Variants in IGSF10 observed in about 807,000 individuals in gnomAD.
The protein encoded by IGSF10 is immunoglobulin superfamily member 10.
Under a neutral mutation model 128.2 loss-of-function variants are expected in IGSF10, and 126 were observed. The ratio of observed to expected loss-of-function variants is 0.98; its 90% CI spans 0.85 to 1.14. IGSF10 has a LOEUF of 1.14. Among genes scored for constraint, IGSF10 ranks in the 50% most tolerant of loss-of-function variants. The pLI, the probability that IGSF10 is intolerant of heterozygous loss-of-function variation, is 0.00. For synonymous variants in IGSF10, 1,185 were observed against 1,146.2 expected (o/e 1.03, Z -0.68); for missense variants, 3,295 against 3,149.8 (o/e 1.05, Z -1.10).
chr3:151,514,976 T>C, the IGSF10 span, among the ~76,000 whole-genome samples: 1 of 152,176 alleles, frequency 6.6e-6, no homozygotes, highest in Admixed American at 6.5e-5. Flanking sequence ...CAACAGGTGC[T>C]GGAGAGGATG....
chr3:151,564,243 A>G, the IGSF10 span, among the ~76,000 whole-genome samples: 5 of 152,140 alleles, frequency 3.3e-5, no homozygotes, highest in Admixed American at 1.3e-4. Context: ...ATGCATATTT[A>G]ATTTGACCAA....
At chr3:151,592,269 G>A in the IGSF10 span, among the ~76,000 whole-genome samples, 2 of 149,600 alleles carry the variant, frequency 1.3e-5, no homozygotes, top group Non-Finnish European at 3.0e-5. Flanking sequence ...ACATACAAAC[G>A]CACACACACA....
the IGSF10 span, among the ~76,000 whole-genome samples, chr3:151,604,400 T>C: frequency 1.3e-5 from 2 of 152,066 alleles, no homozygotes; most frequent in African/African-American, 4.8e-5. Context: ...TATATTTACA[T>C]ATGTAAATCA....
chr3:151,593,651 G>C, the IGSF10 span, among the ~76,000 whole-genome samples: 2 of 151,922 alleles, frequency 1.3e-5, no homozygotes, highest in African/African-American at 2.4e-5. Context: ...AAGTATTAGG[G>C]ACCATTTAGG....
chr3:151,494,586 A>G, the IGSF10 span, among the ~76,000 whole-genome samples: 1 of 152,098 alleles, frequency 6.6e-6, no homozygotes, highest in Non-Finnish European at 1.5e-5. Context: ...TCAGGGTTGC[A>G]ATTCTATTTT....
the IGSF10 span, among the ~76,000 whole-genome samples, chr3:151,495,512 GACA>G: frequency 6.6e-6 from 1 of 151,940 alleles, no homozygotes; most frequent in Non-Finnish European, 1.5e-5. Context: ...CATTATCCGT[GACA>G]ACATTAGAGA....
the IGSF10 span, among the ~76,000 whole-genome samples, chr3:151,582,412 A>G: frequency 6.7e-6 from 1 of 149,916 alleles, no homozygotes; most frequent in African/African-American, 2.5e-5. Flanking sequence ...TCCAGTGATT[A>G]TTTTCACCAA....
At chr3:151,487,213 A>G in the IGSF10 span, among the ~76,000 whole-genome samples, 5 of 152,340 alleles carry the variant, frequency 3.3e-5, no homozygotes, top group South Asian at 1.0e-3. Flanking sequence ...CTCTATGCAA[A>G]TAAACTAGAA....
the IGSF10 span, among the ~76,000 whole-genome samples, chr3:151,574,107 C>T: frequency 6.1e-3 from 924 of 152,296 alleles, 4 homozygotes; most frequent in Admixed American, 0.01. Context: ...GATGGGCTTC[C>T]TTTTGTGGGT....
rs765684654 is a variant in IGSF10, at chr3:151,448,496, C to T, written c.1485G>A (p.Leu495=). Residue 495 remains leucine, a synonymous_variant, in exon 6 of 8, where the codon CTG becomes CTA. Coordinates refer to ENST00000282466, the MANE Select transcript of IGSF10 (RefSeq NM_178822.5). ...HTVLVGGTVG[L]NCPGQGDPTP... ...TGGGGTCTCCTTGGCCTGGGCAGTT[C>T]AGGCCAACGGTTCCACCTACCAAGA... 1.7e-5 allele frequency: 27 copies of T among 1,614,238 alleles called. No individual in the cohort carries two copies. Among genetic ancestry groups the T allele is most frequent in the South Asian group, 2.2e-5 (2 of 91,088 alleles).
chr3:151,570,226 T>C, the IGSF10 span, among the ~76,000 whole-genome samples: 1 of 152,190 alleles, frequency 6.6e-6, no homozygotes, highest in African/African-American at 2.4e-5. Context: ...GTAGCATGAT[T>C]TATAATCCTT....
At chr3:151,592,465 C>T in the IGSF10 span, among the ~76,000 whole-genome samples, 1 of 152,108 alleles carries the variant, frequency 6.6e-6, no homozygotes, top group Non-Finnish European at 1.5e-5. Context: ...CCTTGTCCTC[C>T]AAGTTCTAGG....
chr3:151,538,408 TTC>T, the IGSF10 span, among the ~76,000 whole-genome samples: 3 of 152,202 alleles, frequency 2.0e-5, no homozygotes, highest in Admixed American at 2.0e-4. Flanking sequence ...TGGTTTTTAA[TTC>T]TCTCTCACTT....
chr3:151,448,714 T>G lies in IGSF10; in HGVS notation c.1267A>C (p.Arg423=). The change falls in exon 6 of 8, where the codon AGA becomes CGA. Residue 423 remains arginine (R), a synonymous_variant. Coordinates refer to ENST00000282466, the MANE Select transcript of IGSF10 (RefSeq NM_178822.5). ...DIFTNIEADL[R]ADPSWLMQDQ... ...TGCATTAACCAAGAGGGATCTGCTC[T>G]GAGATCTGCCTCTATGTTGGTAAAA... 1.2e-6 allele frequency: 2 copies of G among 1,613,090 alleles called. No homozygotes were observed. Among genetic ancestry groups the G allele is most frequent in the Non-Finnish European group, 1.7e-6 (2 of 1,179,032 alleles).
intron 5 of IGSF10, among the ~76,000 whole-genome samples, chr3:151,450,419 C>T (rs1212878659): frequency 1.3e-5 from 2 of 152,166 alleles, no homozygotes; most frequent in Non-Finnish European, 2.9e-5. Flanking sequence ...CATGTGTGCA[C>T]ATGTCCTCTC....
At chr3:151,433,477 G>A (rs1719756183), downstream of IGSF10, 1 of 152,618 alleles carries the variant, frequency 6.6e-6, no homozygotes, top group Admixed American at 6.5e-5. Flanking sequence ...AGGTTTCTTT[G>A]AGAGCCGCCC....
At chr3:151,569,426 C>G in the IGSF10 span, among the ~76,000 whole-genome samples, 1 of 152,122 alleles carries the variant, frequency 6.6e-6, no homozygotes, top group African/African-American at 2.4e-5. Flanking sequence ...TCTACTATAA[C>G]TGATGGGGTG....
chr3:151,507,173 G>T, the IGSF10 span, among the ~76,000 whole-genome samples: 3 of 152,006 alleles, frequency 2.0e-5, no homozygotes, highest in African/African-American at 7.3e-5. Context: ...TGCTTTCCCT[G>T]TTTTGTCTCC....
chr3:151,594,286 G>T, the IGSF10 span, among the ~76,000 whole-genome samples: 1 of 150,606 alleles, frequency 6.6e-6, no homozygotes, highest in African/African-American at 2.4e-5. Flanking sequence ...TTTTTTTTAA[G>T]AGAGCTGTGA....
Sources: allele counts gnomAD v4.1 joint callset (sites outside exome capture counted in the v4.1 genomes callset), GRCh38; gene constraint gnomAD v4.1.1; transcripts MANE v1.5; gene names NCBI Gene and HGNC (gene_info 2026-07-23, HGNC 2026-07-21).